The following SAMD12 variants were observed in gnomAD, a reference collection of about 807,000 sequenced individuals.
SAMD12 encodes the protein sterile alpha motif domain containing 12.
Under a neutral mutation model 15.0 loss-of-function variants are expected in SAMD12, and 9 were observed. The ratio of observed to expected loss-of-function variants is 0.60; its 90% CI spans 0.36 to 1.05. The LOEUF is 1.05. SAMD12 is among the 50% of genes least tolerant of loss of function. SAMD12 has a pLI of 0.01. For missense variants in SAMD12, 230 were observed against 234.2 expected, an observed-to-expected ratio of 0.98 and a Z score of 0.12; for synonymous variants, 86 against 90.1, an observed-to-expected ratio of 0.96 and a Z score of 0.25.
At chr8:118,254,712 TGCTGTTCCTTCA>T (rs1165672409) in intron 4 of SAMD12, among the ~76,000 whole-genome samples, 1 of 152,060 alleles carries the variant, frequency 6.6e-6, no homozygotes, top group African/African-American at 2.4e-5. Flanking sequence ...TGCACGGCTG[TGCTGTTCCTTCA>T]GCTTTCCACC....
chr8:118,192,896 T>C (rs1819448957), exon 5 of SAMD12: 1 of 152,182 alleles, frequency 6.6e-6, no homozygotes, highest in African/African-American at 2.4e-5. Flanking sequence ...GAAGGAAGAA[T>C]GCTTGGAGTG....
At chr8:118,439,343 G>A (rs7838410) in intron 3 of SAMD12, among the ~76,000 whole-genome samples, 3,549 of 152,278 alleles carry the variant, frequency 0.023, 137 homozygotes, top group African/African-American at 0.081. Context: ...CCAGAGGACA[G>A]GAGTGTCAGG....
intron 4 of SAMD12, among the ~76,000 whole-genome samples, chr8:118,305,563 CT>C (rs1464145026): frequency 1.3e-5 from 2 of 152,134 alleles, no homozygotes; most frequent in African/African-American, 4.8e-5. Flanking sequence ...CACCTTTTGT[CT>C]ATTGTGAATA....
intron 2 of SAMD12, among the ~76,000 whole-genome samples, chr8:118,474,762 T>C (rs1276013996): frequency 1.3e-5 from 2 of 152,252 alleles, no homozygotes; most frequent in Middle Eastern, 3.4e-3. Flanking sequence ...GACAGATAAA[T>C]TGCTGTAGTT....
intron 4 of SAMD12, among the ~76,000 whole-genome samples, chr8:118,218,521 C>T (rs1812014083): frequency 6.6e-6 from 1 of 150,890 alleles, no homozygotes; most frequent in Non-Finnish European, 1.5e-5. Context: ...AACATCTCCC[C>T]ACCCCCACCC....
At chr8:118,322,302 TG>T (rs1816325921) in intron 4 of SAMD12, among the ~76,000 whole-genome samples, 1 of 152,242 alleles carries the variant, frequency 6.6e-6, no homozygotes, top group Non-Finnish European at 1.5e-5. Flanking sequence ...TCCATAGTGA[TG>T]GGGGCTGTGT....
chr8:118,397,266 C>T (rs1008159977), intron 3 of SAMD12, among the ~76,000 whole-genome samples: 1 of 152,058 alleles, frequency 6.6e-6, no homozygotes, highest in Non-Finnish European at 1.5e-5. Context: ...TGACATCCCT[C>T]GAGGAACTGA....
intron 1 of SAMD12, among the ~76,000 whole-genome samples, chr8:118,606,998 C>T (rs542633632): frequency 1.3e-5 from 2 of 152,322 alleles, no homozygotes; most frequent in Non-Finnish European, 2.9e-5. Flanking sequence ...CCAACCCCTA[C>T]TCCATAGGCA....
Position 118,493,855 on chromosome 8 carries a change from T to A in SAMD12, c.193-53894A>T, listed in dbSNP as rs1824522700. Among the ~76,000 whole-genome samples, 3 of 152,112 alleles carry A rather than the reference T, an allele frequency of 2.0e-5. No homozygotes were observed. In the South Asian group the frequency reaches 6.2e-4, roughly 32 times the overall value. ...GATCTAATCAGACTGAACCCTGGCA[T>A]CACCCGATGGCAGGAACCAGTCAGA... On this transcript the variant is annotated intron_variant, in intron 2 of 3. Coordinates refer to ENST00000314727, the MANE Select transcript of SAMD12 (RefSeq NM_207506.3).
intron 4 of SAMD12, among the ~76,000 whole-genome samples, chr8:118,330,836 G>A (rs1326007403): frequency 2.0e-5 from 3 of 151,982 alleles, no homozygotes; most frequent in African/African-American, 7.2e-5. Context: ...ATGAAGGGGA[G>A]GGTTGAAAAA....
At chr8:118,483,598 T>G (rs755348925) in intron 2 of SAMD12, among the ~76,000 whole-genome samples, 5 of 152,210 alleles carry the variant, frequency 3.3e-5, no homozygotes, top group Non-Finnish European at 5.9e-5. Flanking sequence ...AGTATTACAA[T>G]GCATATATAG....
At chr8:118,611,949 A>G (rs1345655796) in intron 1 of SAMD12, among the ~76,000 whole-genome samples, 1 of 152,174 alleles carries the variant, frequency 6.6e-6, no homozygotes, top group Admixed American at 6.5e-5. Context: ...TTGCAAGTGA[A>G]CCAAGCACTA....
chr8:118,246,312 C>T (rs1391771860), intron 4 of SAMD12, among the ~76,000 whole-genome samples: 1 of 152,106 alleles, frequency 6.6e-6, no homozygotes, highest in Non-Finnish European at 1.5e-5. Flanking sequence ...GGAATGGGCA[C>T]CAGTCTTTCA....
intron 2 of SAMD12, among the ~76,000 whole-genome samples, chr8:118,561,165 C>G (rs1826688977): frequency 6.6e-6 from 1 of 152,082 alleles, no homozygotes; most frequent in Non-Finnish European, 1.5e-5. Context: ...AGGAAACAGA[C>G]TAAAAATGAA....
chr8:118,383,382 C>CT (rs1384524838), intron 3 of SAMD12, among the ~76,000 whole-genome samples: 12 of 152,156 alleles, frequency 7.9e-5, no homozygotes, highest in Admixed American at 2.0e-4. Context: ...CACCAGGAAG[C>CT]TGTTAATGAG....
intron 4 of SAMD12, among the ~76,000 whole-genome samples, chr8:118,243,096 G>A (rs1310695129): frequency 6.6e-6 from 1 of 152,126 alleles, no homozygotes; most frequent in Non-Finnish European, 1.5e-5. Context: ...TAAGTAAAAT[G>A]TGATGGAATG....
chr8:118,357,703 G>A (rs541554708), intron 4 of SAMD12, among the ~76,000 whole-genome samples: 14 of 152,266 alleles, frequency 9.2e-5, no homozygotes, highest in African/African-American at 3.1e-4. Flanking sequence ...ATTCTTTAAT[G>A]GCTTCTCATT....
chr8:118,422,992 G>C (rs549941914), intron 3 of SAMD12, among the ~76,000 whole-genome samples: 1 of 152,048 alleles, frequency 6.6e-6, no homozygotes, highest in African/African-American at 2.4e-5. Context: ...TGGGCAACAC[G>C]GTGAAAACCT....
intron 3 of SAMD12, among the ~76,000 whole-genome samples, chr8:118,425,223 C>A (rs573292901): frequency 6.6e-6 from 1 of 152,284 alleles, no homozygotes; most frequent in Admixed American, 6.5e-5. Context: ...CAGGCGTGAG[C>A]CACCGTGCCC....
Sources: allele counts gnomAD v4.1 joint callset (sites outside exome capture counted in the v4.1 genomes callset), GRCh38; gene constraint gnomAD v4.1.1; transcripts MANE v1.5; gene names NCBI Gene and HGNC (gene_info 2026-07-23, HGNC 2026-07-21).